Variants in SSBP3 observed in about 807,000 individuals in gnomAD.
The protein encoded by SSBP3 is single stranded DNA binding protein 3.
SSBP3 carries 5 observed loss-of-function variants against 69.6 expected under a neutral mutation model. The ratio of observed to expected loss-of-function variants is 0.07; its 90% CI spans 0.04 to 0.15. The LOEUF (loss-of-function observed/expected upper bound fraction) is 0.15. Ranked by LOEUF, SSBP3 falls within the 10% of genes least tolerant of loss-of-function variation. SSBP3 has a pLI of 1.00. For synonymous variants in SSBP3, 196 were observed against 193.4 expected (o/e 1.01, Z -0.11); for missense variants, 312 against 534.0 (o/e 0.58, Z 4.10).
chr1:54,358,429 A>G (rs1460796890), intron 4 of SSBP3, among the ~76,000 whole-genome samples: 1 of 152,216 alleles, frequency 6.6e-6, no homozygotes, highest in Non-Finnish European at 1.5e-5. Flanking sequence ...TGCAAATCCC[A>G]GTGCCGGCTG....
chr1:54,392,357 G>C (rs1648558828), intron 4 of SSBP3, among the ~76,000 whole-genome samples: 2 of 152,212 alleles, frequency 1.3e-5, no homozygotes, highest in Non-Finnish European at 2.9e-5. Context: ...AGTCTCAGCT[G>C]TCTCTGGGCT....
chr1:54,325,221 C>T (rs1646279767), intron 4 of SSBP3: 2 of 156,406 alleles, frequency 1.3e-5, no homozygotes, highest in Non-Finnish European at 1.5e-5. Flanking sequence ...CAGTGCCTTT[C>T]GGTATTGTAG....
chr1:54,275,477 C>T (rs549091424), intron 5 of SSBP3, among the ~76,000 whole-genome samples: 10 of 152,346 alleles, frequency 6.6e-5, no homozygotes, highest in Non-Finnish European at 1.2e-4. Flanking sequence ...TCCTGCTTCC[C>T]GCTGGAGAGC....
chr1:54,402,762 C>T (rs985665469), intron 3 of SSBP3, among the ~76,000 whole-genome samples: 1 of 152,208 alleles, frequency 6.6e-6, no homozygotes, highest in East Asian at 1.9e-4. Context: ...ATGGTCACTC[C>T]GACATTCTGT....
chr1:54,226,887 A>C (rs1292838866), exon 18 of SSBP3: 5 of 520,022 alleles, frequency 9.6e-6, no homozygotes, highest in Non-Finnish European at 1.8e-5. Flanking sequence ...CTGGTCACTG[A>C]CTTGAAATAC....
At chr1:54,398,703 A>G (rs559540786) in intron 4 of SSBP3, among the ~76,000 whole-genome samples, 2 of 152,242 alleles carry the variant, frequency 1.3e-5, no homozygotes, top group African/African-American at 4.8e-5. Flanking sequence ...GGAAATTACA[A>G]TGGGACCGTG....
At chr1:54,330,403 C>T (rs1295660610) in intron 4 of SSBP3, among the ~76,000 whole-genome samples, 1 of 152,140 alleles carries the variant, frequency 6.6e-6, no homozygotes, top group Non-Finnish European at 1.5e-5. Context: ...GCCTGGCCCC[C>T]TACACCTCCA....
At chr1:54,250,636 G>A (rs1459628191) in intron 9 of SSBP3, among the ~76,000 whole-genome samples, 1 of 152,176 alleles carries the variant, frequency 6.6e-6, no homozygotes, top group Non-Finnish European at 1.5e-5. Flanking sequence ...AGTGACCAGT[G>A]CAGCAGACTC....
chr1:54,397,345 A>G (rs529030403), intron 4 of SSBP3, among the ~76,000 whole-genome samples: 1 of 152,276 alleles, frequency 6.6e-6, no homozygotes, highest in Admixed American at 6.5e-5. Context: ...CAGCACATCC[A>G]AGGAGAGCCC....
chr1:54,264,918 C>T (rs1033921736), intron 5 of SSBP3, among the ~76,000 whole-genome samples: 1 of 152,230 alleles, frequency 6.6e-6, no homozygotes, highest in South Asian at 2.1e-4. Flanking sequence ...AGCAGTGGGA[C>T]GCAGAGGACC....
At chr1:54,276,647 TTC>T (rs1042126315) in intron 5 of SSBP3, among the ~76,000 whole-genome samples, 1 of 143,070 alleles carries the variant, frequency 7.0e-6, no homozygotes, top group African/African-American at 2.7e-5. Flanking sequence ...GTCAGCTACT[TTC>T]TGAGCATTGG....
chr1:54,385,371 G>A (rs1038618540), intron 4 of SSBP3, among the ~76,000 whole-genome samples: 50 of 152,242 alleles, frequency 3.3e-4, no homozygotes, highest in African/African-American at 1.2e-3. Flanking sequence ...AATGAATCAA[G>A]TTTTACAAGC....
intron 4 of SSBP3, among the ~76,000 whole-genome samples, chr1:54,346,291 C>T (rs987117705): frequency 2.0e-5 from 3 of 151,412 alleles, no homozygotes; most frequent in African/African-American, 7.3e-5. Context: ...GGCCACTGCA[C>T]TCCAGCCTGG....
At chr1:54,382,856 C>G (rs1314086879) in intron 4 of SSBP3, among the ~76,000 whole-genome samples, 1 of 151,530 alleles carries the variant, frequency 6.6e-6, no homozygotes, top group Admixed American at 6.6e-5. Flanking sequence ...ATGGTGGCGC[C>G]TGCCTGCAAT....
intron 9 of SSBP3, among the ~76,000 whole-genome samples, chr1:54,246,258 G>C (rs939780902): frequency 6.6e-6 from 1 of 152,164 alleles, no homozygotes; most frequent in Non-Finnish European, 1.5e-5. Flanking sequence ...CATTGCAGAA[G>C]CTTGGGTCTC....
chr1:54,240,138 T>G (rs1370654344), intron 13 of SSBP3, among the ~76,000 whole-genome samples: 1 of 147,140 alleles, frequency 6.8e-6, no homozygotes, highest in East Asian at 2.0e-4. Flanking sequence ...TGCCCACGTA[T>G]GTGCACGCAT....
chr1:54,248,535 C>T (rs1570253474), intron 9 of SSBP3, among the ~76,000 whole-genome samples: 1 of 152,182 alleles, frequency 6.6e-6, no homozygotes, highest in East Asian at 1.9e-4. Flanking sequence ...CTGTCCTGTC[C>T]ACAGGGCATC....
At chr1:54,333,724 C>A (rs1646460134) in intron 4 of SSBP3, among the ~76,000 whole-genome samples, 1 of 152,128 alleles carries the variant, frequency 6.6e-6, no homozygotes, top group African/African-American at 2.4e-5. Flanking sequence ...GGAGGTGATA[C>A]ATGTAACTGT....
intron 2 of SSBP3, 78 bp from the exon 3 acceptor site, chr1:54,404,715 G>A (rs1570076229): frequency 2.6e-6 from 4 of 1,538,942 alleles, no homozygotes; most frequent in Admixed American, 1.7e-5. Context: ...CAAAAGGCTA[G>A]GAAGACCAAC....
Sources: gnomAD v4.1 joint callset for allele counts (sites outside exome capture counted in the v4.1 genomes callset) on GRCh38, gnomAD v4.1.1 for gene constraint, MANE v1.5 for transcripts, NCBI Gene and HGNC (gene_info 2026-07-23, HGNC 2026-07-21) for gene names.